Variants in DGKH observed in about 807,000 individuals in gnomAD.
DGKH encodes the protein DAG kinase eta.
DGKH carries 90 observed loss-of-function variants against 159.3 expected under a neutral mutation model. The ratio of observed to expected loss-of-function variants is 0.57; its 90% CI spans 0.48 to 0.67. The LOEUF is 0.67. Among genes scored for constraint, DGKH ranks in the 30% least tolerant of loss-of-function variants. The probability of loss-of-function intolerance (pLI) is 0.00; values close to 1 mark genes in which losing one functional copy is unlikely to be tolerated. For missense variants in DGKH, 1,181 were observed against 1,506.1 expected (o/e 0.78, Z 3.57); for synonymous variants, 536 against 553.8 (o/e 0.97, Z 0.45).
chr13:42,093,597 A>G (rs1954464909), intron 1 of DGKH, among the ~76,000 whole-genome samples: 1 of 152,254 alleles, frequency 6.6e-6, no homozygotes, highest in Non-Finnish European at 1.5e-5. Flanking sequence ...GCCAAAAGGT[A>G]TAAACAACGC....
In DGKH at chr13:42,082,587, A is replaced by C. The variant is rs571425996; in HGVS notation, c.192+33622A>C. ...TTTGCTTGAGGTCATGGATGATTGGATCTCACTGCTTGTCCTGCAGTAGAA... is the reference window on the plus strand; with the variant it reads ...TTTGCTTGAGGTCATGGATGATTGGCTCTCACTGCTTGTCCTGCAGTAGAA... On this transcript the variant is annotated intron_variant, in intron 1 of 29. Transcript: ENST00000337343. 2.0e-5 allele frequency among the ~76,000 whole-genome samples: 3 copies of C among 152,280 alleles called. No individual in the cohort carries two copies. In the East Asian group the frequency reaches 5.8e-4, roughly 29 times the overall value.
intron 1 of DGKH, among the ~76,000 whole-genome samples, chr13:42,086,265 A>C (rs1954299017): frequency 6.6e-6 from 1 of 152,170 alleles, no homozygotes. Flanking sequence ...TCTTTCACTC[A>C]TCTTTGTGTC....
chr13:42,048,723 A>G lies in DGKH; in HGVS notation c.-51A>G. Reference sequence around the variant, plus strand: ...TCGGGCAGAGCCCACCCGCTGACCAACGCCGCCGCCCCCGCCGGGCGGTGC... The same window carrying G: ...TCGGGCAGAGCCCACCCGCTGACCAGCGCCGCCGCCCCCGCCGGGCGGTGC... On this transcript the variant is annotated 5_prime_UTR_variant, in exon 1 of 30. Transcript: ENST00000337343. The surrounding 1 kb of genome is among the most constrained non-coding windows in gnomAD (Gnocchi z 6.7). The G allele has an allele frequency of 8.6e-7, 1 of 1,163,760 alleles. No homozygotes were observed. Among genetic ancestry groups the G allele is most frequent in the South Asian group, 4.1e-5 (1 of 24,662 alleles). 72.1% of individuals were successfully genotyped at this position (1,163,760 alleles called of 1,614,324 possible).
At chr13:42,196,847 T>C (rs1321597808) in intron 17 of DGKH, among the ~76,000 whole-genome samples, 2 of 152,216 alleles carry the variant, frequency 1.3e-5, no homozygotes, top group African/African-American at 4.8e-5. Context: ...ACAAACTGGT[T>C]CTGGAAAGGC....
At position 42,206,025 on chromosome 13, in the gene DGKH, T is replaced by C. The variant is rs1957461639; in HGVS notation, c.2494-14T>C. 7.5e-7 allele frequency: 1 copy of C among 1,338,216 alleles called. No individual in the cohort carries two copies. The highest frequency in any genetic ancestry group is 2.4e-5 in the South Asian group (1 of 41,282). The allele number at this position is 1,338,216 out of a possible 1,614,324, so 82.9% of individuals were successfully genotyped here. ...ATCTAATCTCTACTTTTTTTTTTTT[T>C]TTTTACCTTACAGTGTGATGGGCAG... On this transcript the variant is annotated splice_polypyrimidine_tract_variant and intron_variant, in intron 20 of 29. Transcript: ENST00000337343.
rs1594249620 is a variant in DGKH at position 42,229,184 on chromosome 13, T to C, written c.3659T>C (p.Val1220Ala). 1 of 1,608,150 alleles carries C rather than the reference T, an allele frequency of 6.2e-7. No individual in the cohort carries two copies. The highest frequency in any genetic ancestry group is 2.2e-5 in the East Asian group (1 of 44,720). Residue 1220 changes from valine to alanine, a missense_variant, in exon 30 of 30, where the codon GTG becomes GCG. By Grantham distance (64) the Val-to-Ala change is moderately conservative. Around this residue, in one of 5 missense-constraint regions of DGKH, gnomAD observed 84 missense variants for 77.9 expected, o/e 1.08. Transcript: ENST00000337343. ...ELGRSTPQSE[V>A] ...GGAAGGAGCACTCCACAGTCGGAGG[T>C]GTAATCATATTGGTGCTATTTCTTG...
In DGKH at chr13:42,250,410, C is replaced by T. The variant is rs76098370; in HGVS notation, n.4055-1999C>T. Among the ~76,000 whole-genome samples, 1,133 of 152,182 alleles carry T rather than the reference C, an allele frequency of 7.4e-3. 13 individuals are homozygous for T. Among genetic ancestry groups the T allele is most frequent in the African/African-American group, 0.025 (1,055 of 41,514 alleles). ...AGTTAACATGTCCATCACCTCGAAC[C>T]TTTATCATTTCTTGATGGTAATAAC... On this transcript the variant is annotated intron_variant and non_coding_transcript_variant, in intron 29 of 30. Coordinates refer to the DGKH transcript ENST00000498255.
chr13:42,183,414 G>A (rs1454223884), intron 13 of DGKH, among the ~76,000 whole-genome samples: 1 of 152,010 alleles, frequency 6.6e-6, no homozygotes, highest in Non-Finnish European at 1.5e-5. Context: ...AAAAAATACT[G>A]CATGTACGCA....
chr13:42,093,396 G>C (rs1954460740), intron 1 of DGKH, among the ~76,000 whole-genome samples: 1 of 152,020 alleles, frequency 6.6e-6, no homozygotes, highest in Admixed American at 6.6e-5. Flanking sequence ...AGAGAAAGTG[G>C]GACCCTTCTG....
intron 2 of DGKH, among the ~76,000 whole-genome samples, chr13:42,129,259 C>A (rs76201879): frequency 0.019 from 2,861 of 152,310 alleles, 38 homozygotes; most frequent in Non-Finnish European, 0.029. Flanking sequence ...GTATGCCACG[C>A]ACTCAGCAGG....
At chr13:42,092,538 A>G (rs921441640) in intron 1 of DGKH, among the ~76,000 whole-genome samples, 3 of 152,198 alleles carry the variant, frequency 2.0e-5, no homozygotes, top group African/African-American at 7.2e-5. Context: ...GAGAGCTTTA[A>G]AAAAGGTGAA....
chr13:42,149,515 C>G (rs1566132678), intron 3 of DGKH, among the ~76,000 whole-genome samples: 1 of 152,176 alleles, frequency 6.6e-6, no homozygotes, highest in African/African-American at 2.4e-5. Flanking sequence ...GAGGCTGCAA[C>G]ATTGTTTGGC....
intron 1 of DGKH, among the ~76,000 whole-genome samples, chr13:42,053,159 C>T (rs1881447029): frequency 6.6e-6 from 1 of 151,826 alleles, no homozygotes; most frequent in South Asian, 2.1e-4. Context: ...AACAGTGAGA[C>T]TCCATCTCAA....
chr13:42,134,899 C>T (rs1955368836), intron 3 of DGKH, among the ~76,000 whole-genome samples: 1 of 152,136 alleles, frequency 6.6e-6, no homozygotes, highest in Admixed American at 6.5e-5. Flanking sequence ...ATTGCTTGAA[C>T]CCGGGAAGCG....
At chr13:42,063,498 G>A (rs1348002027) in intron 1 of DGKH, among the ~76,000 whole-genome samples, 2 of 152,268 alleles carry the variant, frequency 1.3e-5, no homozygotes, top group Non-Finnish European at 1.5e-5. Flanking sequence ...TACTATTGCC[G>A]ATCCATTAGC....
chr13:42,180,507 T>C (rs1254712586), intron 13 of DGKH, among the ~76,000 whole-genome samples: 1 of 152,254 alleles, frequency 6.6e-6, no homozygotes, highest in Non-Finnish European at 1.5e-5. Flanking sequence ...ATAGAGCTTA[T>C]AAATGACAGA....
At chr13:42,163,561 GT>G (rs1026993706) in intron 7 of DGKH, among the ~76,000 whole-genome samples, 55 of 152,308 alleles carry the variant, frequency 3.6e-4, no homozygotes, top group African/African-American at 1.3e-3. Flanking sequence ...ATTCTAACGG[GT>G]GTGAGATGGT....
chr13:42,225,231 A>T (rs1467345754), intron 29 of DGKH: 8 of 1,541,134 alleles, frequency 5.2e-6, no homozygotes, highest in Admixed American at 1.8e-5. Flanking sequence ...CCAGGAAAGT[A>T]TTTCCAATGT....
chr13:42,110,403 G>A (rs555946443), intron 1 of DGKH, among the ~76,000 whole-genome samples: 5 of 152,246 alleles, frequency 3.3e-5, no homozygotes, highest in South Asian at 4.2e-4. Context: ...AAAAACAAAC[G>A]TGATGTCTAG....
Sources: gnomAD v4.1 joint callset for allele counts (sites outside exome capture counted in the v4.1 genomes callset) on GRCh38, gnomAD v4.1.1 for gene constraint, gnomAD v4.1.1 regional missense constraint, Gnocchi (gnomAD v3.1) non-coding constraint, MANE v1.5 for transcripts, NCBI Gene and HGNC (gene_info 2026-07-23, HGNC 2026-07-21) for gene names.